The following DHRS9 variants were observed in gnomAD, a reference collection of about 807,000 sequenced individuals.
DHRS9 encodes dehydrogenase/reductase SDR family member 9.
DHRS9 carries 18 observed loss-of-function variants against 26.6 expected under a neutral mutation model. That is an observed-to-expected ratio of 0.68 (90% CI 0.47 to 1.00). The LOEUF is 1.00. Ranked by LOEUF, DHRS9 falls within the 50% of genes least tolerant of loss-of-function variation. The pLI, the probability that DHRS9 is intolerant of heterozygous loss-of-function variation, is 0.00. For missense variants in DHRS9, 425 were observed against 378.7 expected (o/e 1.12, Z -1.01); for synonymous variants, 134 against 141.1 (o/e 0.95, Z 0.36).
Position 169,072,777 on chromosome 2 carries a change from T to G in DHRS9, c.-60+3060T>G, listed in dbSNP as rs59018706. On this transcript the variant is annotated intron_variant, in intron 1 of 4. Coordinates refer to ENST00000674881, the MANE Select transcript of DHRS9 (RefSeq NM_001376924.1). ...AAGTTTGATAAAGTGTTCTTGTGCC[T>G]GCTGTCGACTGATAATGTGTTCATC... The G allele has an allele frequency of 2.3e-4, 84 of 365,300 alleles. 1 individual carries two copies. In the East Asian group the frequency reaches 0.013, roughly 56 times the overall value. 22.6% of individuals were successfully genotyped at this position (365,300 alleles called of 1,614,324 possible). A position where few individuals can be genotyped will look rare whatever the true frequency, so the allele number is the denominator to read the frequency against.
rs886077147 is a variant in DHRS9, at chr2:169,069,720, A to G, written c.-60+3A>G. On this transcript the variant is annotated splice_donor_region_variant and intron_variant, in intron 1 of 4. Transcript: ENST00000674881. The stretch of plus-strand genomic sequence containing the variant: ...TGTCCCACTTCATCTTTAATAAGGT[A>G]ACTGATGACAGTTTTGTCATTTATT... 9 of 985,358 alleles carry G rather than the reference A, an allele frequency of 9.1e-6. No homozygotes were observed. The highest frequency in any genetic ancestry group is 5.2e-4 in the Middle Eastern group (1 of 1,936). The allele number at this position is 985,358 out of a possible 1,614,324, so 61.0% of individuals were successfully genotyped here.
At chr2:169,078,935 C>A (rs1684055637) in intron 1 of DHRS9, among the ~76,000 whole-genome samples, 1 of 23,792 alleles carries the variant, frequency 4.2e-5, no homozygotes, top group Admixed American at 3.4e-4. Context: ...GATTCTCCTG[C>A]CTGATTCTCC....
At chr2:169,083,613 G>A in intron 3 of DHRS9, 26 bp downstream of exon 3, 1 of 1,608,188 alleles carries the variant, frequency 6.2e-7, no homozygotes, top group Non-Finnish European at 8.5e-7. Flanking sequence ...CAACTTATTA[G>A]GAAACAATAG....
intron 4 of DHRS9, among the ~76,000 whole-genome samples, chr2:169,093,262 T>C (rs1684589579): frequency 6.6e-6 from 1 of 151,934 alleles, no homozygotes; most frequent in Admixed American, 6.6e-5. Context: ...AAGGCAGAGC[T>C]GAAAGCCAAG....
At chr2:169,076,371 A>G (rs1056261721) in intron 1 of DHRS9, among the ~76,000 whole-genome samples, 7 of 152,302 alleles carry the variant, frequency 4.6e-5, no homozygotes, top group Middle Eastern at 6.8e-3. Flanking sequence ...TATTTTGTAC[A>G]TTCGCCTCCA....
At chr2:169,092,021 AT>A in intron 4 of DHRS9, 68 bp downstream of exon 4, 1 of 1,514,358 alleles carries the variant, frequency 6.6e-7, no homozygotes, top group Non-Finnish European at 8.9e-7. Flanking sequence ...GGAGATTCAA[AT>A]ACAGATGAAA....
chr2:169,088,531 G>T (rs1684422521), intron 3 of DHRS9, among the ~76,000 whole-genome samples: 1 of 152,104 alleles, frequency 6.6e-6, no homozygotes, highest in South Asian at 2.1e-4. Context: ...GTTTAATTTG[G>T]TGTTCCTGTG....
chr2:169,095,690 T>A lies in DHRS9; in HGVS notation c.883T>A (p.Ser295Thr). 2 of 1,613,974 alleles carry A rather than the reference T, an allele frequency of 1.2e-6. No homozygotes were observed. Among genetic ancestry groups the A allele is most frequent in the Middle Eastern group, 3.3e-4 (2 of 6,054 alleles). ...KDAKIFWIPL[S>T]HMPAALQDFL... The stretch of plus-strand genomic sequence containing the variant: ...TGCCAAAATTTTCTGGATACCTCTG[T>A]CTCACATGCCAGCAGCTTTGCAAGA... Residue 295 changes from serine to threonine, a missense_variant, in exon 5 of 5, where the codon TCT becomes ACT. Transcript: ENST00000674881.
intron 2 of DHRS9, 31 bp downstream of exon 2, chr2:169,081,925 C>A: frequency 6.4e-7 from 1 of 1,567,090 alleles, no homozygotes; most frequent in South Asian, 1.2e-5. Flanking sequence ...TAGGATGGGA[C>A]AGGGATAGGG....
intron 4 of DHRS9, among the ~76,000 whole-genome samples, chr2:169,093,551 C>T (rs1443565933): frequency 6.6e-6 from 1 of 152,122 alleles, no homozygotes; most frequent in African/African-American, 2.4e-5. Flanking sequence ...AAACAAAACC[C>T]CTCATTTAAA....
Position 169,081,644 on chromosome 2 carries a change from A to G in DHRS9, c.63A>G (p.Lys21=). The G allele has an allele frequency of 6.2e-7, 1 of 1,614,180 alleles. No individual in the cohort carries two copies. The highest frequency in any genetic ancestry group is 1.1e-5 in the South Asian group (1 of 91,080). ...GTTTTCTGTGGACTCGTAAAGGAAA[A>G]CTAAAGATTGAAGACATCACTGATA... ...LCGFLWTRKG[K]LKIEDITDKY... is the part of the protein sequence containing the mutation. Residue 21 remains lysine (K), a synonymous_variant, in exon 2 of 5, where the codon AAA becomes AAG. Transcript: ENST00000674881.
At chr2:169,072,024 T>A (rs1302823162) in intron 1 of DHRS9, among the ~76,000 whole-genome samples, 3 of 150,052 alleles carry the variant, frequency 2.0e-5, no homozygotes, top group Non-Finnish European at 3.0e-5. Flanking sequence ...TTTTTTTTTT[T>A]AAACAAAACA....
intron 1 of DHRS9, among the ~76,000 whole-genome samples, chr2:169,078,109 C>G (rs1231391621): frequency 6.6e-6 from 1 of 152,226 alleles, no homozygotes; most frequent in Non-Finnish European, 1.5e-5. Context: ...TGGAAGGACA[C>G]AGCACTCTAG....
chr2:169,081,657 G>C lies in DHRS9; in HGVS notation c.76G>C (p.Asp26His), dbSNP rs1236757965. The change falls in exon 2 of 5, where the codon GAC becomes CAC. Residue 26 changes from aspartate to histidine, a missense_variant. Transcript: ENST00000674881. Reference protein sequence around the residue: ...WTRKGKLKIEDITDKYIFITG... With the variant: ...WTRKGKLKIEHITDKYIFITG... ...TCGTAAAGGAAAACTAAAGATTGAA[G>C]ACATCACTGATAAGTACATTTTTAT... 1.2e-6 allele frequency: 2 copies of C among 1,614,074 alleles called. No individual in the cohort carries two copies. The highest frequency in any genetic ancestry group is 3.3e-5 in the Admixed American group (2 of 60,008).
intron 3 of DHRS9, among the ~76,000 whole-genome samples, chr2:169,090,321 A>G (rs1684483536): frequency 6.6e-6 from 1 of 152,216 alleles, no homozygotes; most frequent in Admixed American, 6.5e-5. Context: ...TGTCCCTAGT[A>G]CGTTATTTTT....
intron 3 of DHRS9, among the ~76,000 whole-genome samples, chr2:169,088,167 A>G (rs1684410772): frequency 6.6e-6 from 1 of 152,220 alleles, no homozygotes; most frequent in South Asian, 2.1e-4. Flanking sequence ...GGTTCCAGCT[A>G]CTGAAATGGG....
At chr2:169,086,481 C>T (rs1684353918) in intron 3 of DHRS9, among the ~76,000 whole-genome samples, 1 of 150,250 alleles carries the variant, frequency 6.7e-6, no homozygotes, top group African/African-American at 2.5e-5. Context: ...CAGGATTGGT[C>T]TCTTGTGTCT....
intron 1 of DHRS9, among the ~76,000 whole-genome samples, chr2:169,073,798 A>C (rs1683881525): frequency 6.6e-6 from 1 of 152,220 alleles, no homozygotes; most frequent in South Asian, 2.1e-4. Flanking sequence ...CATCAATGTG[A>C]TACTACCAAG....
chr2:169,078,840 T>TTTTTTTTG (rs1553478929), intron 1 of DHRS9, among the ~76,000 whole-genome samples: 2 of 137,266 alleles, frequency 1.5e-5, no homozygotes, highest in African/African-American at 5.9e-5. Flanking sequence ...TTTTTTTTTT[T>TTTTTTTTG]TGTGACAGAG....
Sources: allele counts gnomAD v4.1 joint callset (sites outside exome capture counted in the v4.1 genomes callset), GRCh38; gene constraint gnomAD v4.1.1; transcripts MANE v1.5; gene names NCBI Gene and HGNC (gene_info 2026-07-23, HGNC 2026-07-21).